ZFAT: variants seen among roughly 807,000 people sequenced by gnomAD.
ZFAT encodes zinc finger and AT-hook domain containing, also known as zinc finger protein ZFAT.
In ZFAT, 64 loss-of-function variants were observed where a neutral mutation model predicts 117.7. The ratio of observed to expected loss-of-function variants is 0.54; its 90% confidence interval spans 0.44 to 0.67. The LOEUF (loss-of-function observed/expected upper bound fraction) is 0.67. Ranked by LOEUF, ZFAT falls within the 30% of genes least tolerant of loss-of-function variation. ZFAT has a pLI of 0.00. For synonymous variants in ZFAT, 679 were observed against 615.0 expected (o/e 1.10, Z -1.54); for missense variants, 1,433 against 1,584.5 (o/e 0.90, Z 1.62).
At chr8:134,831,324 C>A in the ZFAT span, among the ~76,000 whole-genome samples, 1 of 152,234 alleles carries the variant, frequency 6.6e-6, no homozygotes, top group East Asian at 1.9e-4. Flanking sequence ...GTGAAGAACT[C>A]ATGTCAAATC....
intron 1 of ZFAT, among the ~76,000 whole-genome samples, chr8:134,711,290 G>C (rs1813988332): frequency 6.6e-6 from 1 of 152,224 alleles, no homozygotes; most frequent in Non-Finnish European, 1.5e-5. Context: ...TTTCTGCTGA[G>C]AACCTTCACG....
intron 10 of ZFAT, among the ~76,000 whole-genome samples, chr8:134,569,949 G>A (rs1482203723): frequency 6.6e-6 from 1 of 152,166 alleles, no homozygotes; most frequent in Admixed American, 6.5e-5. Flanking sequence ...AAAACCTCCT[G>A]CTCCTCTTCC....
At chr8:134,831,442 G>A in the ZFAT span, among the ~76,000 whole-genome samples, 37 of 152,274 alleles carry the variant, frequency 2.4e-4, no homozygotes, top group Non-Finnish European at 4.0e-4. Flanking sequence ...TCATGCCCTG[G>A]TGCTACACAC....
the ZFAT span, chr8:134,797,399 T>G: frequency 4.6e-5 from 7 of 152,112 alleles, no homozygotes; most frequent in Non-Finnish European, 7.4e-5. Flanking sequence ...CCCAGGGAAT[T>G]TGAGCTCTTA....
rs1348944473 is a variant in ZFAT at position 134,590,290 on chromosome 8, T to G, written c.2541A>C (p.Ser847=). Residue 847 remains serine (S), a synonymous_variant, in exon 8 of 16, where the codon TCA becomes TCC. Coordinates refer to ENST00000377838, the MANE Select transcript of ZFAT (RefSeq NM_020863.4). ...KSFSEDRLIK[S]HIKTNHPEVS... is the part of the protein sequence containing the mutation. ...TACCAGGATGGTTGGTCTTGATATG[T>G]GACTTTATCAATCGATCCTCTGAAA... is the stretch of plus-strand genomic sequence containing the variant. The G allele has an allele frequency of 6.2e-7, 1 of 1,613,346 alleles. No homozygotes were observed. Among genetic ancestry groups the G allele is most frequent in the Admixed American group, 1.7e-5 (1 of 60,020 alleles).
chr8:134,598,307 C>T (rs1337440944), intron 7 of ZFAT: 2 of 152,360 alleles, frequency 1.3e-5, no homozygotes. Flanking sequence ...AGCTGACCCA[C>T]AGGATAAAGA....
intron 3 of ZFAT, among the ~76,000 whole-genome samples, chr8:134,620,466 A>G (rs1829036832): frequency 6.6e-6 from 1 of 152,180 alleles, no homozygotes; most frequent in African/African-American, 2.4e-5. Flanking sequence ...AGGCATTTAA[A>G]GTCCCCTATT....
chr8:134,563,276 T>C (rs1824179818), intron 11 of ZFAT, among the ~76,000 whole-genome samples: 1 of 152,216 alleles, frequency 6.6e-6, no homozygotes, highest in South Asian at 2.1e-4. Context: ...AAGCAACACC[T>C]TTCAACATCC....
intron 11 of ZFAT, among the ~76,000 whole-genome samples, chr8:134,550,414 A>G (rs546161370): frequency 6.6e-5 from 10 of 151,948 alleles, no homozygotes; most frequent in African/African-American, 2.4e-4. Context: ...GTTTTAAAAT[A>G]AGGCCAGAGA....
chr8:134,690,156 T>A (rs1481147035), intron 1 of ZFAT, among the ~76,000 whole-genome samples: 1 of 152,142 alleles, frequency 6.6e-6, no homozygotes, highest in Admixed American at 6.5e-5. Flanking sequence ...ACCAGGCAAC[T>A]TTTCCCTGCA....
chr8:134,750,794 T>C, the ZFAT span, among the ~76,000 whole-genome samples: 1 of 152,194 alleles, frequency 6.6e-6, no homozygotes, highest in Non-Finnish European at 1.5e-5. Context: ...ATATATACAT[T>C]GTGGAATGGC....
the ZFAT span, chr8:134,793,142 T>G: frequency 6.6e-6 from 1 of 152,210 alleles, no homozygotes; most frequent in Non-Finnish European, 1.5e-5. Context: ...ACAATTTTAT[T>G]CTTTCAGCAA....
the ZFAT span, chr8:134,798,078 C>T: frequency 1.3e-5 from 2 of 151,972 alleles, no homozygotes; most frequent in African/African-American, 4.8e-5. Context: ...TCTTGACTGA[C>T]ATTTTTCAAT....
the ZFAT span, among the ~76,000 whole-genome samples, chr8:134,810,830 T>C: frequency 1.3e-5 from 2 of 152,184 alleles, no homozygotes; most frequent in African/African-American, 4.8e-5. Flanking sequence ...TTTGAAAACC[T>C]TCCCCCTGAA....
intron 11 of ZFAT, chr8:134,565,127 C>T (rs1824340893): frequency 1.3e-6 from 2 of 1,519,180 alleles, no homozygotes; most frequent in South Asian, 2.4e-5. Flanking sequence ...GACTTGGTTT[C>T]CAAATTACAG....
the ZFAT span, among the ~76,000 whole-genome samples, chr8:134,771,677 C>T: frequency 6.6e-6 from 1 of 152,204 alleles, no homozygotes; most frequent in East Asian, 1.9e-4. Context: ...CAATCCCTGC[C>T]TATTACCCAG....
At chr8:134,498,046 CTGCTGCTGGT>C (rs1167425092) in intron 15 of ZFAT, among the ~76,000 whole-genome samples, 9 of 112,720 alleles carry the variant, frequency 8.0e-5, no homozygotes, top group African/African-American at 3.3e-4. Flanking sequence ...CGTGATGCCC[CTGCTGCTGGT>C]TACACACAGA....
upstream of ZFAT, chr8:134,713,145 G>T (rs1392072475): frequency 2.9e-6 from 1 of 347,050 alleles, no homozygotes; most frequent in Non-Finnish European, 5.2e-6. Flanking sequence ...TAACGCGCAT[G>T]CTCGCAGTCG....
intron 1 of ZFAT, 103 bp downstream of exon 1, chr8:134,712,742 G>A (rs1022920093): frequency 1.3e-4 from 150 of 1,176,850 alleles, no homozygotes; most frequent in Non-Finnish European, 1.5e-4. Flanking sequence ...GGCGGCCGGC[G>A]GCCGGCGCAC....
Sources: gnomAD v4.1 joint callset for allele counts (sites outside exome capture counted in the v4.1 genomes callset) on GRCh38, gnomAD v4.1.1 for gene constraint, MANE v1.5 for transcripts, NCBI Gene and HGNC (gene_info 2026-07-23, HGNC 2026-07-21) for gene names.